The following MRPS28 variants were observed in gnomAD, a reference collection of about 807,000 sequenced individuals.
MRPS28 encodes mitochondrial ribosomal protein S28, also known as small ribosomal subunit protein bS1m.
MRPS28 carries 7 observed loss-of-function variants against 10.8 expected under a neutral mutation model. The ratio of observed to expected loss-of-function variants is 0.65; its 90% CI spans 0.37 to 1.22. MRPS28 has a LOEUF of 1.22. MRPS28 is among the 50% of genes most tolerant of loss of function. The probability of loss-of-function intolerance (pLI) is 0.02; values close to 1 mark genes in which losing one functional copy is unlikely to be tolerated. For missense variants in MRPS28, 265 were observed against 232.9 expected, an observed-to-expected ratio of 1.14 and a Z score of -0.90; for synonymous variants, 121 against 93.3, an observed-to-expected ratio of 1.30 and a Z score of -1.71.
At chr8:79,990,042 T>G (rs1808314095) in intron 2 of MRPS28, among the ~76,000 whole-genome samples, 2 of 152,148 alleles carry the variant, frequency 1.3e-5, no homozygotes, top group South Asian at 4.2e-4. Flanking sequence ...ACGCCTGTAG[T>G]CCCGGCTACT....
At chr8:80,009,253 A>C (rs2130188218) in intron 1 of MRPS28, among the ~76,000 whole-genome samples, 1 of 152,244 alleles carries the variant, frequency 6.6e-6, no homozygotes, top group East Asian at 1.9e-4. Context: ...AGGAAAGGGA[A>C]CATCACACAG....
At chr8:79,936,221 G>A (rs990138244) in intron 2 of MRPS28, among the ~76,000 whole-genome samples, 1 of 151,104 alleles carries the variant, frequency 6.6e-6, no homozygotes, top group Non-Finnish European at 1.5e-5. Flanking sequence ...CCAGCTACTT[G>A]TGAGCTGAGG....
chr8:79,933,928 C>T (rs1806536378), intron 2 of MRPS28, among the ~76,000 whole-genome samples: 1 of 152,154 alleles, frequency 6.6e-6, no homozygotes. Flanking sequence ...CATTTGGCCA[C>T]TAAAGAAGTA....
chr8:79,997,009 ATC>A (rs1408289006), intron 2 of MRPS28, among the ~76,000 whole-genome samples: 2 of 152,360 alleles, frequency 1.3e-5, no homozygotes. Flanking sequence ...AATACCTACT[ATC>A]TATGTTTGTT....
intron 2 of MRPS28, among the ~76,000 whole-genome samples, chr8:79,989,932 T>C (rs1205622780): frequency 6.6e-6 from 1 of 152,122 alleles, no homozygotes; most frequent in Non-Finnish European, 1.5e-5. Flanking sequence ...GGTGGGTGGA[T>C]CACCTGAGCT....
chr8:79,931,432 T>G (rs1039107532), intron 2 of MRPS28, among the ~76,000 whole-genome samples: 13 of 152,196 alleles, frequency 8.5e-5, no homozygotes, highest in African/African-American at 3.1e-4. Flanking sequence ...AAAGAAAGCC[T>G]GTTTACTGGT....
At chr8:80,026,671 T>C (rs1809500212) in intron 1 of MRPS28, among the ~76,000 whole-genome samples, 1 of 152,216 alleles carries the variant, frequency 6.6e-6, no homozygotes. Context: ...AAAATTTTAT[T>C]CTGATGTGTC....
intron 2 of MRPS28, among the ~76,000 whole-genome samples, chr8:79,981,686 A>G (rs1419574307): frequency 6.6e-6 from 1 of 152,226 alleles, no homozygotes; most frequent in Non-Finnish European, 1.5e-5. Context: ...AGTAACTTAA[A>G]ATCGTATCTT....
At chr8:80,006,748 A>C (rs1156564410) in intron 1 of MRPS28, among the ~76,000 whole-genome samples, 316 of 140,692 alleles carry the variant, frequency 2.2e-3, no homozygotes, top group South Asian at 3.6e-3. Flanking sequence ...GAATAGACCA[A>C]TAACAGGCTC....
intron 2 of MRPS28, among the ~76,000 whole-genome samples, chr8:79,977,125 C>T (rs1208815204): frequency 6.6e-6 from 1 of 152,042 alleles, no homozygotes; most frequent in East Asian, 1.9e-4. Context: ...GCTCAATATT[C>T]AAAATTATAG....
At chr8:80,012,940 A>G (rs961858693) in intron 1 of MRPS28, among the ~76,000 whole-genome samples, 7 of 152,208 alleles carry the variant, frequency 4.6e-5, no homozygotes, top group Non-Finnish European at 8.8e-5. Context: ...AACTAATCCA[A>G]CTACCTCAAG....
rs149862164 is a variant in MRPS28, at chr8:80,023,045, G to C, written c.213+6991C>G. The stretch of plus-strand genomic sequence containing the variant: ...TTAACAAAAACCTACTTTCCCCAGA[G>C]AATTCTATGTACTTCTTCACTATTT... On this transcript the variant is annotated intron_variant, in intron 1 of 2. Coordinates refer to ENST00000276585, the MANE Select transcript of MRPS28 (RefSeq NM_014018.3). Among the ~76,000 whole-genome samples the C allele has an allele frequency of 8.7e-3, 1,321 of 152,250 alleles. 26 individuals are homozygous for C. The highest frequency in any genetic ancestry group is 0.03 in the African/African-American group (1,260 of 41,536).
chr8:79,984,631 T>C (rs1186231704), intron 2 of MRPS28, among the ~76,000 whole-genome samples: 2 of 152,098 alleles, frequency 1.3e-5, no homozygotes, highest in Admixed American at 1.3e-4. Context: ...AATCCTAGTC[T>C]CTGATAAAAC....
At chr8:79,921,402 T>C (rs1049718489) in intron 2 of MRPS28, among the ~76,000 whole-genome samples, 2 of 152,140 alleles carry the variant, frequency 1.3e-5, no homozygotes, top group East Asian at 1.9e-4. Context: ...TTTCACCATA[T>C]TGATTCTTCC....
At chr8:79,972,978 C>G (rs1444311838) in intron 2 of MRPS28, among the ~76,000 whole-genome samples, 1 of 152,168 alleles carries the variant, frequency 6.6e-6, no homozygotes, top group Non-Finnish European at 1.5e-5. Context: ...TTTTTACATA[C>G]TTTCAGTCAT....
intron 2 of MRPS28, among the ~76,000 whole-genome samples, chr8:79,985,700 C>T (rs2130098934): frequency 1.3e-5 from 2 of 152,326 alleles, no homozygotes; most frequent in African/African-American, 4.8e-5. Context: ...TTCCTCGACA[C>T]ATACAACCTC....
At position 80,003,060 on chromosome 8, in the gene MRPS28, G is replaced by A. The variant is rs778634736; in HGVS notation, c.334C>T (p.Leu112=). Residue 112 remains leucine, a synonymous_variant, in exon 2 of 3, where the codon CTG becomes TTG. Transcript: ENST00000276585. ...GRIFHIVEND[L]YIDFGGKFHC... ...AACTTTCCACCAAAATCTATGTACAGATCATTCTCCACAATATGAAAGATC... is the reference window on the plus strand; with the variant it reads ...AACTTTCCACCAAAATCTATGTACAAATCATTCTCCACAATATGAAAGATC... 1 of 1,612,980 alleles carries A rather than the reference G, an allele frequency of 6.2e-7. No homozygotes were observed. The highest frequency in any genetic ancestry group is 2.2e-5 in the East Asian group (1 of 44,830).
chr8:79,963,381 A>G (rs562587756), intron 2 of MRPS28, among the ~76,000 whole-genome samples: 1 of 152,012 alleles, frequency 6.6e-6, no homozygotes, highest in Non-Finnish European at 1.5e-5. Context: ...AAAACCACGT[A>G]TTTTTTTCCA....
chr8:80,015,672 C>T (rs530598333), intron 1 of MRPS28, among the ~76,000 whole-genome samples: 10 of 152,228 alleles, frequency 6.6e-5, no homozygotes, highest in Admixed American at 3.9e-4. Context: ...AAGCAAAAAA[C>T]ACAGTTTGAA....
Sources: allele counts gnomAD v4.1 joint callset (sites outside exome capture counted in the v4.1 genomes callset), GRCh38; gene constraint gnomAD v4.1.1; transcripts MANE v1.5; gene names NCBI Gene and HGNC (gene_info 2026-07-23, HGNC 2026-07-21).